The following NT5M variants were observed in gnomAD, a reference collection of about 807,000 sequenced individuals.
NT5M encodes the protein 5'(3')-deoxyribonucleotidase, mitochondrial.
A neutral mutation model predicts 22.2 loss-of-function variants in NT5M; 22 were observed. The observed-to-expected ratio is 0.99, with a 90% CI of 0.71 to 1.41. NT5M has a LOEUF of 1.41. Among genes scored for constraint, NT5M ranks in the 40% most tolerant of loss-of-function variants. The probability of loss-of-function intolerance (pLI) is 0.00; values close to 1 mark genes in which losing one functional copy is unlikely to be tolerated. For synonymous variants in NT5M, 167 were observed against 133.0 expected (o/e 1.26, Z -1.76); for missense variants, 322 against 314.8 (o/e 1.02, Z -0.17).
chr17:17,325,400 G>T (rs2145382384), intron 3 of NT5M, among the ~76,000 whole-genome samples: 1 of 152,212 alleles, frequency 6.6e-6, no homozygotes, highest in South Asian at 2.1e-4. Context: ...GTGGCCTCAG[G>T]TCGGAAATCA....
intron 2 of NT5M, among the ~76,000 whole-genome samples, chr17:17,317,934 C>T (rs560182755): frequency 1.3e-4 from 17 of 131,784 alleles, no homozygotes; most frequent in Non-Finnish European, 2.5e-4. Flanking sequence ...TGGACTCCAG[C>T]CTAGGTGACA....
At chr17:17,320,397 G>A (rs776888939) in intron 2 of NT5M, among the ~76,000 whole-genome samples, 28 of 152,072 alleles carry the variant, frequency 1.8e-4, no homozygotes, top group Non-Finnish European at 3.1e-4. Context: ...GGTGGATGAC[G>A]TGTGCTTTGG....
chr17:17,344,302 A>G (rs17726924), intron 3 of NT5M, among the ~76,000 whole-genome samples: 3,925 of 152,196 alleles, frequency 0.026, 76 homozygotes, highest in Admixed American at 0.059. Context: ...TTATGTAACC[A>G]TTGTTTAAGA....
At chr17:17,318,286 G>T (rs2049074455) in intron 2 of NT5M, among the ~76,000 whole-genome samples, 2 of 151,330 alleles carry the variant, frequency 1.3e-5, no homozygotes, top group African/African-American at 4.9e-5. Flanking sequence ...AAACCAGCCA[G>T]TGCCACACGG....
chr17:17,346,967 T>G lies in NT5M; in HGVS notation c.*20T>G. 6.2e-7 allele frequency: 1 copy of G among 1,609,282 alleles called. No individual in the cohort carries two copies. Among genetic ancestry groups the G allele is most frequent in the Non-Finnish European group, 8.5e-7 (1 of 1,179,592 alleles). On this transcript the variant is annotated 3_prime_UTR_variant, in exon 5 of 5. Transcript: ENST00000389022. ...TGCTGAGCTGGACTGTGCTTCGGGCTCCTCTGTGGGGCTCTGACCTCAGGG... is the reference window on the plus strand; with the variant it reads ...TGCTGAGCTGGACTGTGCTTCGGGCGCCTCTGTGGGGCTCTGACCTCAGGG...
At chr17:17,331,662 A>C (rs1377301355) in intron 3 of NT5M, among the ~76,000 whole-genome samples, 1 of 151,532 alleles carries the variant, frequency 6.6e-6, no homozygotes, top group Non-Finnish European at 1.5e-5. Flanking sequence ...TGGAACGATC[A>C]TAGCTCACTG....
chr17:17,303,482 G>C lies in NT5M; in HGVS notation c.-69G>C. Reference sequence around the variant, plus strand: ...GGGGCTTCTCCTCCGCGGCGGGAATGTCTGGCCGGCTCCGGCAGCACGGCG... The same window carrying C: ...GGGGCTTCTCCTCCGCGGCGGGAATCTCTGGCCGGCTCCGGCAGCACGGCG... On this transcript the variant is annotated 5_prime_UTR_variant, in exon 1 of 5. An upstream start codon of the reference 5' UTR is lost. Transcript: ENST00000389022. 9.8e-7 allele frequency: 1 copy of C among 1,017,070 alleles called. No individual in the cohort carries two copies. Among genetic ancestry groups the C allele is most frequent in the South Asian group, 4.5e-5 (1 of 22,218 alleles). 63.0% of individuals were successfully genotyped at this position (1,017,070 alleles called of 1,614,324 possible).
intron 3 of NT5M, among the ~76,000 whole-genome samples, chr17:17,330,857 C>T (rs2049369845): frequency 6.6e-6 from 1 of 151,594 alleles, no homozygotes; most frequent in African/African-American, 2.4e-5. Flanking sequence ...ATTCTCCTGC[C>T]TCAGCCTCCC....
At position 17,303,609 on chromosome 17, in the gene NT5M, G is replaced by A. The variant is rs2048726826; in HGVS notation, c.59G>A (p.Gly20Glu). 8.0e-7 allele frequency: 1 copy of A among 1,251,622 alleles called. No individual in the cohort carries two copies. The highest frequency in any genetic ancestry group is 1.0e-6 in the Non-Finnish European group (1 of 992,878). 77.5% of individuals were successfully genotyped at this position (1,251,622 alleles called of 1,614,324 possible). Residue 20 changes from glycine to glutamate, a missense_variant, in exon 1 of 5, where the codon GGG becomes GAG. By Grantham distance (98) the Gly-to-Glu change is moderately conservative. Transcript: ENST00000389022. ...CTCTGCAGCGCGGCGGTTCCCGCGG[G>A]GCGGCGCGGGGCGGCGGGCGGGCTG... ...RRLCSAAVPAGRRGAAGGLGL... is the reference protein window; with the variant it reads ...RRLCSAAVPAERRGAAGGLGL...
chr17:17,330,088 C>T (rs62066156), intron 3 of NT5M, among the ~76,000 whole-genome samples: 63,459 of 152,036 alleles, frequency 0.42, 16,437 homozygotes, highest in East Asian at 0.88. Flanking sequence ...ATCATGAGGT[C>T]AGGAGATTGA....
At chr17:17,319,219 A>G (rs571669202) in intron 2 of NT5M, among the ~76,000 whole-genome samples, 4 of 151,342 alleles carry the variant, frequency 2.6e-5, no homozygotes, top group African/African-American at 9.7e-5. Flanking sequence ...CTTAGAAAAA[A>G]AAAAAAAAAA....
intron 3 of NT5M, among the ~76,000 whole-genome samples, chr17:17,327,692 A>G (rs2145391035): frequency 9.5e-6 from 1 of 105,348 alleles, no homozygotes; most frequent in Non-Finnish European, 2.1e-5. Context: ...TAATTTTTGT[A>G]TTTTTAGTAG....
intron 1 of NT5M, among the ~76,000 whole-genome samples, chr17:17,306,045 CTGG>C (rs2048793786): frequency 6.6e-6 from 1 of 152,148 alleles, no homozygotes; most frequent in African/African-American, 2.4e-5. Flanking sequence ...CAGAGCTCTT[CTGG>C]TTAATGTGGG....
rs925175677 is a variant in NT5M at position 17,306,715 on chromosome 17, T to G, written c.368+72T>G. ...CTGAGCCCTGTACCTCCTTCCTGCT[T>G]CTTCCCTCCTCTGCCTTCTCCTTTC... On this transcript the variant is annotated intron_variant, in intron 2 of 4. Transcript: ENST00000389022. 4.8e-5 allele frequency: 48 copies of G among 995,664 alleles called. No individual in the cohort carries two copies. In the Admixed American group the frequency reaches 7.8e-4, roughly 16 times the overall value. The allele number at this position is 995,664 out of a possible 1,614,324, so 61.7% of individuals were successfully genotyped here. A position where few individuals can be genotyped will look rare whatever the true frequency, so the allele number is the denominator to read the frequency against.
chr17:17,305,526 G>A (rs2048780723), intron 1 of NT5M, among the ~76,000 whole-genome samples: 1 of 151,852 alleles, frequency 6.6e-6, no homozygotes, highest in African/African-American at 2.4e-5. Context: ...GATCAAATGT[G>A]TTTCAGTAAT....
intron 3 of NT5M, among the ~76,000 whole-genome samples, chr17:17,334,665 G>A (rs1025234175): frequency 1.3e-5 from 2 of 151,660 alleles, no homozygotes; most frequent in Non-Finnish European, 2.9e-5. Context: ...TAGTTGAGAC[G>A]GGGTTTCACC....
chr17:17,303,729 G>T lies in NT5M; in HGVS notation c.179G>T (p.Arg60Leu). Residue 60 changes from arginine to leucine, a missense_variant, in exon 1 of 5, where the codon CGC (arginine) becomes CTC (leucine). Arg to Leu is a moderately radical substitution (Grantham distance 102). Coordinates refer to ENST00000389022, the MANE Select transcript of NT5M (RefSeq NM_020201.4). Reference protein sequence around the residue: ...EGGFLRKFRARFPDQPFIALE... With the variant: ...EGGFLRKFRALFPDQPFIALE... Reference sequence around the variant, plus strand: ...GGATTCCTCAGGAAGTTCCGCGCGCGCTTTCCCGACCAGCCCTTCATCGCG... The same window carrying T: ...GGATTCCTCAGGAAGTTCCGCGCGCTCTTTCCCGACCAGCCCTTCATCGCG... The T allele has an allele frequency of 6.3e-7, 1 of 1,591,022 alleles. No homozygotes were observed. Among genetic ancestry groups the T allele is most frequent in the Non-Finnish European group, 8.5e-7 (1 of 1,170,980 alleles).
chr17:17,328,988 T>G (rs2049319187), intron 3 of NT5M, among the ~76,000 whole-genome samples: 1 of 152,182 alleles, frequency 6.6e-6, no homozygotes, highest in South Asian at 2.1e-4. Context: ...TTTTTTATTT[T>G]TATTTTTTAG....
At chr17:17,314,854 G>C (rs2048991518) in intron 2 of NT5M, among the ~76,000 whole-genome samples, 1 of 152,178 alleles carries the variant, frequency 6.6e-6, no homozygotes, top group Non-Finnish European at 1.5e-5. Context: ...CGTGCATGTT[G>C]CCTCCTCACA....
Sources: gnomAD v4.1 joint callset for allele counts (sites outside exome capture counted in the v4.1 genomes callset) on GRCh38, gnomAD v4.1.1 for gene constraint, MANE v1.5 for transcripts, NCBI Gene and HGNC (gene_info 2026-07-23, HGNC 2026-07-21) for gene names.